GBE1: variants seen among roughly 807,000 people sequenced by gnomAD.
GBE1 encodes the protein 1,4-alpha-glucan branching enzyme 1.
In GBE1, 70 loss-of-function variants were observed where a neutral mutation model predicts 88.8. That is an observed-to-expected ratio of 0.79 (90% CI 0.65 to 0.96). The LOEUF (loss-of-function observed/expected upper bound fraction) is 0.96. Ranked by LOEUF, GBE1 falls within the 40% of genes least tolerant of loss-of-function variation. The pLI is 0.00. For synonymous variants in GBE1, 284 were observed against 300.1 expected, an observed-to-expected ratio of 0.95 and a Z score of 0.56; for missense variants, 872 against 871.0, an observed-to-expected ratio of 1.00 and a Z score of -0.01.
chr3:81,588,322 T>C (rs1469889968), intron 9 of GBE1, among the ~76,000 whole-genome samples: 2 of 152,130 alleles, frequency 1.3e-5, no homozygotes, highest in Non-Finnish European at 2.9e-5. Context: ...TAAATATGCA[T>C]TAAATATCAG....
chr3:81,591,169 GAAAAAGAAAATCAAT>G lies in GBE1; in HGVS notation c.1109-20_1109-6del. 1 of 1,588,358 alleles carries G rather than the reference GAAAAAGAAAATCAAT, an allele frequency of 6.3e-7. No individual in the cohort carries two copies. Among genetic ancestry groups the G allele is most frequent in the Admixed American group, 1.8e-5 (1 of 56,758 alleles). On this transcript the variant is annotated splice_region_variant and splice_polypyrimidine_tract_variant and intron_variant, in intron 8 of 15. Coordinates refer to ENST00000429644, the MANE Select transcript of GBE1 (RefSeq NM_000158.4). The stretch of plus-strand genomic sequence containing the variant: ...AATCACCTGAGAAACCTTGACCTTA[GAAAAAGAAAATCAAT>G]ACGGATATATTATGTTAACAAGCAA...
At chr3:81,620,629 A>T (rs1704314808) in intron 7 of GBE1, among the ~76,000 whole-genome samples, 1 of 152,190 alleles carries the variant, frequency 6.6e-6, no homozygotes, top group Non-Finnish European at 1.5e-5. Flanking sequence ...AAGTCGCTGA[A>T]ATGACGTGGT....
chr3:81,658,108 G>A (rs999047414), intron 3 of GBE1, among the ~76,000 whole-genome samples: 7 of 151,990 alleles, frequency 4.6e-5, no homozygotes, highest in African/African-American at 1.7e-4. Flanking sequence ...CCATCATAAT[G>A]TATTTTTTTT....
intron 14 of GBE1, among the ~76,000 whole-genome samples, chr3:81,502,183 T>C (rs1036238444): frequency 6.6e-6 from 1 of 152,116 alleles, no homozygotes; most frequent in Admixed American, 6.6e-5. Context: ...AAAATGCAAT[T>C]TTAAAGTCAC....
chr3:81,691,659 G>A (rs999288995), intron 2 of GBE1, among the ~76,000 whole-genome samples: 1 of 151,978 alleles, frequency 6.6e-6, no homozygotes, highest in Non-Finnish European at 1.5e-5. Context: ...CACGCCTGTA[G>A]TCTCAGCTAC....
chr3:81,551,572 A>G (rs1032411523), intron 12 of GBE1, among the ~76,000 whole-genome samples: 1 of 152,068 alleles, frequency 6.6e-6, no homozygotes, highest in South Asian at 2.1e-4. Context: ...CCTCTCATCT[A>G]CCTATGACCT....
intron 1 of GBE1, among the ~76,000 whole-genome samples, chr3:81,752,162 T>C (rs964537372): frequency 3.3e-5 from 5 of 151,850 alleles, no homozygotes; most frequent in Non-Finnish European, 7.4e-5. Context: ...TCAAACCCAT[T>C]GAAAATAACT....
intron 1 of GBE1, among the ~76,000 whole-genome samples, chr3:81,756,021 T>C (rs530757822): frequency 5.9e-5 from 9 of 152,242 alleles, no homozygotes; most frequent in African/African-American, 1.9e-4. Context: ...ATGTGAAAAT[T>C]ATTTTATTTC....
At chr3:81,526,336 C>A (rs1375661986) in intron 14 of GBE1, among the ~76,000 whole-genome samples, 2 of 152,112 alleles carry the variant, frequency 1.3e-5, no homozygotes, top group Non-Finnish European at 2.9e-5. Flanking sequence ...TCTCTCACCA[C>A]TCCTATTCAA....
chr3:81,593,059 C>G (rs1420407496), intron 8 of GBE1, among the ~76,000 whole-genome samples: 1 of 151,688 alleles, frequency 6.6e-6, no homozygotes, highest in East Asian at 1.9e-4. Flanking sequence ...GAACATTTGG[C>G]CATTAAAAAA....
At chr3:81,637,289 T>C (rs954034325) in intron 7 of GBE1, among the ~76,000 whole-genome samples, 2 of 152,184 alleles carry the variant, frequency 1.3e-5, no homozygotes, top group African/African-American at 4.8e-5. Flanking sequence ...TAGGCTACTA[T>C]TGAAAACTAA....
Position 81,648,911 on chromosome 3 carries a change from T to C in GBE1, c.636A>G (p.Lys212=), listed in dbSNP as rs1704806442. The change falls in exon 5 of 16, where the codon AAA becomes AAG. Residue 212 remains lysine, a synonymous_variant. Coordinates refer to ENST00000429644, the MANE Select transcript of GBE1 (RefSeq NM_000158.4). Reference sequence around the variant, plus strand: ...ATGTAAAATGTTTATAAGAAGCTACTTTTCCTTCATGGGAAGAAATTCCCA... The same window carrying C: ...ATGTAAAATGTTTATAAGAAGCTACCTTTCCTTCATGGGAAGAAATTCCCA... ...SHVGISSHEG[K]VASYKHFTCN... is the part of the protein sequence containing the mutation. 6.9e-6 allele frequency: 11 copies of C among 1,588,398 alleles called. No individual in the cohort carries two copies. The highest frequency in any genetic ancestry group is 9.5e-6 in the Non-Finnish European group (11 of 1,163,332).
At chr3:81,544,923 C>T (rs1257551770) in intron 12 of GBE1, among the ~76,000 whole-genome samples, 1 of 152,094 alleles carries the variant, frequency 6.6e-6, no homozygotes, top group Non-Finnish European at 1.5e-5. Context: ...AACTGTAATG[C>T]ATACTAATTT....
chr3:81,544,668 T>C (rs1703182660), intron 12 of GBE1, among the ~76,000 whole-genome samples: 1 of 152,216 alleles, frequency 6.6e-6, no homozygotes, highest in Non-Finnish European at 1.5e-5. Flanking sequence ...TCTAGTTCCA[T>C]TTCCTCCTTA....
At chr3:81,513,533 C>A (rs375536385) in intron 14 of GBE1, among the ~76,000 whole-genome samples, 6 of 151,128 alleles carry the variant, frequency 4.0e-5, no homozygotes, top group Non-Finnish European at 7.4e-5. Context: ...TTTGTCTTCA[C>A]CCATGTAATA....
intron 7 of GBE1, among the ~76,000 whole-genome samples, chr3:81,634,747 T>C (rs1176714127): frequency 6.6e-6 from 1 of 152,106 alleles, no homozygotes; most frequent in African/African-American, 2.4e-5. Flanking sequence ...ACAACAAATA[T>C]ACCACTAAAA....
chr3:81,618,202 G>A (rs1704276382), intron 7 of GBE1, among the ~76,000 whole-genome samples: 1 of 152,004 alleles, frequency 6.6e-6, no homozygotes, highest in African/African-American at 2.4e-5. Flanking sequence ...ATCTGAGAAT[G>A]TCTTAATTTG....
At chr3:81,492,331 C>T (rs1178368884) in intron 15 of GBE1, among the ~76,000 whole-genome samples, 3 of 152,110 alleles carry the variant, frequency 2.0e-5, no homozygotes, top group Non-Finnish European at 2.9e-5. Flanking sequence ...TAAGATGTTA[C>T]GAGACTGATT....
chr3:81,604,283 TTTC>T lies in GBE1; in HGVS notation c.993-10263_993-10261del, dbSNP rs1398265968. On this transcript the variant is annotated intron_variant, in intron 7 of 15. Transcript: ENST00000429644. Reference sequence around the variant, plus strand: ...AAAATATTAACTTTTCTTTTCTTTCTTTCTTTTTTTTTTTTTTTTTTTGAGAAA... The same window carrying T: ...AAAATATTAACTTTTCTTTTCTTTCTTTTTTTTTTTTTTTTTTTTGAGAAA... Among the ~76,000 whole-genome samples, 406 of 99,278 alleles carry T rather than the reference TTTC, an allele frequency of 4.1e-3. 12 individuals carry two copies. In the East Asian group the frequency reaches 0.059, roughly 14 times the overall value. 65.1% of individuals were successfully genotyped at this position (99,278 alleles called of 152,430 possible).
Sources: gnomAD v4.1 joint callset for allele counts (sites outside exome capture counted in the v4.1 genomes callset) on GRCh38, gnomAD v4.1.1 for gene constraint, MANE v1.5 for transcripts, NCBI Gene and HGNC (gene_info 2026-07-23, HGNC 2026-07-21) for gene names.